The following CNTN6 variants were observed in gnomAD, a reference collection of about 807,000 sequenced individuals.
CNTN6 encodes contactin 6.
In CNTN6, 137 loss-of-function variants were observed where a neutral mutation model predicts 122.8. The observed-to-expected ratio is 1.12, with a 90% confidence interval of 0.97 to 1.29. The LOEUF is 1.29. Ranked by LOEUF, CNTN6 falls within the 50% of genes most tolerant of loss-of-function variation. The pLI is 0.00. For synonymous variants in CNTN6, 570 were observed against 426.0 expected (o/e 1.34, Z -4.16); for missense variants, 1,634 against 1,223.4 (o/e 1.34, Z -5.01).
intron 4 of CNTN6, among the ~76,000 whole-genome samples, chr3:1,231,645 TTAAC>T (rs770370110): frequency 2.0e-5 from 3 of 152,240 alleles, no homozygotes; most frequent in South Asian, 2.1e-4. Context: ...AAATCTGTCT[TTAAC>T]CAACTATGTA....
intron 2 of CNTN6, among the ~76,000 whole-genome samples, chr3:1,205,696 T>C (rs1481731820): frequency 6.6e-6 from 1 of 152,208 alleles, no homozygotes; most frequent in Admixed American, 6.5e-5. Flanking sequence ...CATGAAAGAT[T>C]TTCTTTAACT....
chr3:1,267,232 T>TTCCTCACTATTTTTCCCTCTCCC (rs2094941166), intron 4 of CNTN6, among the ~76,000 whole-genome samples: 8 of 152,112 alleles, frequency 5.3e-5, no homozygotes, highest in Non-Finnish European at 1.0e-4. Flanking sequence ...TTTCCTCTCC[T>TTCCTCACTATTTTTCCCTCTCCC]TCCTCACTTT....
At chr3:1,331,132 A>T (rs1283313835) in intron 11 of CNTN6, among the ~76,000 whole-genome samples, 1 of 151,970 alleles carries the variant, frequency 6.6e-6, no homozygotes, top group Non-Finnish European at 1.5e-5. Context: ...CTTTGTGGTT[A>T]TAACTGCTGC....
intron 21 of CNTN6, among the ~76,000 whole-genome samples, chr3:1,401,837 G>A (rs1380373212): frequency 6.6e-6 from 1 of 151,970 alleles, no homozygotes; most frequent in Non-Finnish European, 1.5e-5. Context: ...CATAGTAGAT[G>A]TGATGACAAT....
rs779420301 is a variant in CNTN6 at position 1,321,633 on chromosome 3, G to A, written c.762-17G>A. 3.8e-6 allele frequency: 6 copies of A among 1,585,334 alleles called. No homozygotes were observed. The highest frequency in any genetic ancestry group is 1.2e-5 in the South Asian group (1 of 86,678). The stretch of plus-strand genomic sequence containing the variant: ...AGATTAAACCGTCTTCTATTCTAAT[G>A]AGGTGTAACTGTTTAGTCCAGTCCC... On this transcript the variant is annotated splice_polypyrimidine_tract_variant and intron_variant, in intron 7 of 22. Coordinates refer to ENST00000446702, the MANE Select transcript of CNTN6 (RefSeq NM_001289080.2).
chr3:1,154,497 G>T (rs576278588), intron 2 of CNTN6, among the ~76,000 whole-genome samples: 3 of 147,934 alleles, frequency 2.0e-5, no homozygotes, highest in Non-Finnish European at 3.0e-5. Flanking sequence ...AGGCTACAGT[G>T]CAGTGGCACA....
chr3:1,402,405 G>C lies in CNTN6; in HGVS notation c.2905G>C (p.Asp969His), dbSNP rs563898364. ...SAELLVPFEE[D>H]YLIEIRTVSD... ...TGAGCTTCTGGTTCCATTTGAAGAA[G>C]ACTACTTAATTGAAATAAGAACAGT... Residue 969 changes from aspartate to histidine, a missense_variant, in exon 22 of 23, where the codon GAC becomes CAC. Physicochemically the swap from Asp to His is moderately conservative, Grantham distance 81 (BLOSUM62 -1). Transcript: ENST00000446702. The C allele has an allele frequency of 2.5e-6, 4 of 1,612,432 alleles. No individual in the cohort carries two copies. Among genetic ancestry groups the C allele is most frequent in the Non-Finnish European group, 3.4e-6 (4 of 1,178,942 alleles).
At chr3:1,251,426 T>C (rs1325727875) in intron 4 of CNTN6, among the ~76,000 whole-genome samples, 3 of 152,100 alleles carry the variant, frequency 2.0e-5, no homozygotes, top group African/African-American at 7.2e-5. Flanking sequence ...TGTCATTCCC[T>C]CTATACTGAG....
chr3:1,150,919 T>C (rs1478620877), intron 2 of CNTN6, among the ~76,000 whole-genome samples: 3 of 152,100 alleles, frequency 2.0e-5, no homozygotes, highest in Non-Finnish European at 4.4e-5. Context: ...GACGTGAAGA[T>C]GCTGCACTGC....
intron 21 of CNTN6, among the ~76,000 whole-genome samples, chr3:1,402,087 CTAATAGGGA>C (rs1424910877): frequency 6.6e-6 from 1 of 151,424 alleles, no homozygotes; most frequent in East Asian, 1.9e-4. Flanking sequence ...AGCTATTTAA[CTAATAGGGA>C]TAAATCTACT....
intron 4 of CNTN6, among the ~76,000 whole-genome samples, chr3:1,254,605 T>A (rs983884028): frequency 6.6e-6 from 1 of 152,144 alleles, no homozygotes; most frequent in Non-Finnish European, 1.5e-5. Flanking sequence ...CATCCTTGCC[T>A]GCCATGAGTC....
intron 2 of CNTN6, among the ~76,000 whole-genome samples, chr3:1,215,313 C>T (rs984035502): frequency 2.0e-5 from 3 of 152,210 alleles, no homozygotes; most frequent in Non-Finnish European, 4.4e-5. Context: ...TGTTTCTAAT[C>T]CATTACCTTC....
chr3:1,353,955 G>C (rs75750440), intron 12 of CNTN6, among the ~76,000 whole-genome samples: 1 of 151,398 alleles, frequency 6.6e-6, no homozygotes, highest in African/African-American at 2.4e-5. Flanking sequence ...GAGGGCCAAT[G>C]GTTTTGCTGT....
chr3:1,319,854 A>AAAATG, intron 7 of CNTN6, among the ~76,000 whole-genome samples: 1 of 150,344 alleles, frequency 6.7e-6, no homozygotes, highest in East Asian at 1.9e-4. Flanking sequence ...AAAATAAAAT[A>AAAATG]AAATAAAATA....
chr3:1,229,565 T>C (rs1021295744), intron 4 of CNTN6, among the ~76,000 whole-genome samples: 3 of 152,218 alleles, frequency 2.0e-5, no homozygotes, highest in Non-Finnish European at 4.4e-5. Flanking sequence ...TTTCTTCTCC[T>C]TTGTTCTGTA....
At chr3:1,178,002 G>A (rs1178268951) in intron 2 of CNTN6, among the ~76,000 whole-genome samples, 8 of 151,100 alleles carry the variant, frequency 5.3e-5, no homozygotes, top group Non-Finnish European at 1.0e-4. Flanking sequence ...CCGGATTCAA[G>A]CAATTCTCCT....
chr3:1,378,053 G>A (rs976705652), intron 17 of CNTN6, among the ~76,000 whole-genome samples: 2 of 152,116 alleles, frequency 1.3e-5, no homozygotes, highest in Non-Finnish European at 2.9e-5. Context: ...GATTTTGGTG[G>A]TCCATTTCCA....
At chr3:1,400,719 A>G (rs1406974431) in intron 20 of CNTN6, among the ~76,000 whole-genome samples, 1 of 152,114 alleles carries the variant, frequency 6.6e-6, no homozygotes, top group Admixed American at 6.6e-5. Context: ...AACTTGGACT[A>G]TCTCTGAACA....
intron 2 of CNTN6, among the ~76,000 whole-genome samples, chr3:1,160,663 A>T (rs1049340859): frequency 1.3e-5 from 1 of 78,048 alleles, no homozygotes; most frequent in African/African-American, 5.7e-5. Context: ...AAATGTACGT[A>T]AAAAAAAAAA....
Sources: gnomAD v4.1 joint callset for allele counts (sites outside exome capture counted in the v4.1 genomes callset) on GRCh38, gnomAD v4.1.1 for gene constraint, MANE v1.5 for transcripts, NCBI Gene and HGNC (gene_info 2026-07-23, HGNC 2026-07-21) for gene names.